The following CYP2B6 variants were observed in gnomAD, a reference collection of about 807,000 sequenced individuals.
CYP2B6 encodes the protein cytochrome P450 family 2 subfamily B member 6.
CYP2B6 carries 35 observed loss-of-function variants against 43.4 expected under a neutral mutation model. The observed-to-expected ratio is 0.81, with a 90% CI of 0.62 to 1.07. The LOEUF is 1.07. CYP2B6 is among the 50% of genes least tolerant of loss of function. CYP2B6 has a pLI of 0.00. For missense variants in CYP2B6, 624 were observed against 632.8 expected, an observed-to-expected ratio of 0.99 and a Z score of 0.15; for synonymous variants, 239 against 239.2, an observed-to-expected ratio of 1.00 and a Z score of 0.01.
rs553968231 is a variant in CYP2B6 at position 41,004,321 on chromosome 19, G to A, written c.359G>A (p.Arg120His). Reference sequence around the variant, plus strand: ...GGTGTGATCTTTGCCAATGGAAACCGCTGGAAGGTGCTTCGGCGATTCTCT... The same window carrying A: ...GGTGTGATCTTTGCCAATGGAAACCACTGGAAGGTGCTTCGGCGATTCTCT... ...GYGVIFANGNRWKVLRRFSVT... is the reference protein window; with the variant it reads ...GYGVIFANGNHWKVLRRFSVT... The change falls in exon 3 of 9, where the codon CGC becomes CAC. Residue 120 changes from arginine to histidine, a missense_variant. Transcript: ENST00000324071. 28 of 1,613,912 alleles carry A rather than the reference G, an allele frequency of 1.7e-5. No individual in the cohort carries two copies. The Admixed American group carries it at 1.8e-4, about 11-fold the overall frequency.
At chr19:41,002,669 C>T (rs552477015) in intron 1 of CYP2B6, among the ~76,000 whole-genome samples, 1 of 152,148 alleles carries the variant, frequency 6.6e-6, no homozygotes, top group Non-Finnish European at 1.5e-5. Flanking sequence ...TCGTCTCAGC[C>T]TCCCGAGTAG....
chr19:41,004,103 G>A lies in CYP2B6; in HGVS notation c.274G>A (p.Ala92Thr), dbSNP rs1969136891. 2 of 1,613,072 alleles carry A rather than the reference G, an allele frequency of 1.2e-6. No individual in the cohort carries two copies. Among genetic ancestry groups the A allele is most frequent in the Non-Finnish European group, 1.7e-6 (2 of 1,179,844 alleles). ...CATACGGGAGGCCCTTGTGGACAAG[G>A]CTGAGGCCTTCTCTGGCCGGGGAAA... is the stretch of plus-strand genomic sequence containing the variant. Reference protein sequence around the residue: ...EAIREALVDKAEAFSGRGKIA... With the variant: ...EAIREALVDKTEAFSGRGKIA... Residue 92 changes from alanine to threonine, a missense_variant, in exon 2 of 9, where the codon GCT (alanine) becomes ACT (threonine). By Grantham distance (58) the Ala-to-Thr change is moderately conservative. Transcript: ENST00000324071.
At chr19:41,010,514 C>T (rs1488757585) in intron 6 of CYP2B6, among the ~76,000 whole-genome samples, 3 of 151,324 alleles carry the variant, frequency 2.0e-5, no homozygotes, top group East Asian at 3.9e-4. Flanking sequence ...CCAGGGTTCA[C>T]GCCATTCTCC....
Position 41,012,713 on chromosome 19 carries a change from G to C in CYP2B6, c.1192G>C (p.Asp398His). The C allele has an allele frequency of 2.5e-6, 4 of 1,614,044 alleles. No individual in the cohort carries two copies. Among genetic ancestry groups the C allele is most frequent in the Non-Finnish European group, 3.4e-6 (4 of 1,180,014 alleles). ...VFLILSTALH[D>H]PHYFEKPDAF... ...TCTCATCCTGAGCACTGCTCTCCAT[G>C]ACCCACACTACTTTGAAAAACCAGA... The change falls in exon 8 of 9, where the codon GAC becomes CAC. Residue 398 changes from aspartate (D) to histidine (H), a missense_variant. Asp to His is a moderately conservative substitution (Grantham distance 81). Coordinates refer to ENST00000324071, the MANE Select transcript of CYP2B6 (RefSeq NM_000767.5).
intron 3 of CYP2B6, 139 bp downstream of exon 3, chr19:41,004,585 T>C: frequency 1.0e-6 from 1 of 981,792 alleles, no homozygotes; most frequent in Non-Finnish European, 1.6e-6. Flanking sequence ...GACAGAGGGA[T>C]AGAGACAGAG....
intron 1 of CYP2B6, among the ~76,000 whole-genome samples, chr19:41,000,379 T>C (rs1407708065): frequency 1.3e-5 from 2 of 152,164 alleles, no homozygotes; most frequent in Non-Finnish European, 1.5e-5. Flanking sequence ...AATAGGCATT[T>C]AGTAAATATG....
rs373764650 is a variant in CYP2B6 at position 41,004,496 on chromosome 19, A to T, written c.484+50A>T. 2.5e-6 allele frequency: 4 copies of T among 1,599,164 alleles called. No individual in the cohort carries two copies. The African/African-American group carries it at 4.0e-5, about 16-fold the overall frequency. On this transcript the variant is annotated intron_variant, in intron 3 of 8. Coordinates refer to ENST00000324071, the MANE Select transcript of CYP2B6 (RefSeq NM_000767.5). ...AAGAAAGACAATGAAACACTGAGAG[A>T]TGCAGGTGCACGGGAATAGAAAGAC...
At chr19:41,000,911 T>C (rs1969073938) in intron 1 of CYP2B6, among the ~76,000 whole-genome samples, 1 of 152,054 alleles carries the variant, frequency 6.6e-6, no homozygotes, top group African/African-American at 2.4e-5. Context: ...TGGTGGCACA[T>C]GTCTGTAATC....
chr19:41,007,087 A>AG (rs1969202286), intron 4 of CYP2B6, 22 bp downstream of exon 4: 5 of 1,613,130 alleles, frequency 3.1e-6, no homozygotes, highest in Non-Finnish European at 3.4e-6. Context: ...GGAGAGGGAC[A>AG]GGGGGTGTGG....
Position 41,004,283 on chromosome 19 carries a change from C to T in CYP2B6, c.335-14C>T, listed in dbSNP as rs182509919. The T allele has an allele frequency of 3.3e-5, 54 of 1,613,674 alleles. No homozygotes were observed. Among genetic ancestry groups the T allele is most frequent in the Non-Finnish European group, 4.6e-5 (54 of 1,179,980 alleles). On this transcript the variant is annotated splice_polypyrimidine_tract_variant and intron_variant, in intron 2 of 8. Coordinates refer to ENST00000324071, the MANE Select transcript of CYP2B6 (RefSeq NM_000767.5). ...CTTCTTCTACAACCAACCCACACCT[C>T]CCCTGCACCCCAGGTGTGATCTTTG...
rs562316055 is a variant in CYP2B6, at chr19:41,011,328, TAATTA to T, written c.965-969_965-965del. On this transcript the variant is annotated intron_variant, in intron 6 of 8. Transcript: ENST00000324071. ...TTTATTTACTCATACTTCACTAATT[TAATTA>T]TTCACTTGCTCTTCCATAAATCTAG... Among the ~76,000 whole-genome samples, 10 of 152,362 alleles carry T rather than the reference TAATTA, an allele frequency of 6.6e-5. No individual in the cohort carries two copies. In the South Asian group the frequency reaches 2.1e-3, roughly 32 times the overall value.
At chr19:41,005,814 C>CGT (rs1360548011) in intron 3 of CYP2B6, among the ~76,000 whole-genome samples, 80 of 151,492 alleles carry the variant, frequency 5.3e-4, no homozygotes, top group African/African-American at 1.8e-3. Flanking sequence ...AAATAAAGAA[C>CGT]GGCAGGGGGG....
rs1969135563 is a variant in CYP2B6 at position 41,004,032 on chromosome 19, T to A, written c.203T>A (p.Val68Glu). The change falls in exon 2 of 9, where the codon GTA (valine) becomes GAA (glutamate). Residue 68 changes from valine to glutamate, a missense_variant. Transcript: ENST00000324071. Reference sequence around the variant, plus strand: ...GAGAAATATGGGGACGTCTTCACGGTACACCTGGGACCGAGGCCCGTGGTC... The same window carrying A: ...GAGAAATATGGGGACGTCTTCACGGAACACCTGGGACCGAGGCCCGTGGTC... ...FREKYGDVFT[V>E]HLGPRPVVML... The A allele has an allele frequency of 6.2e-7, 1 of 1,613,452 alleles. No individual in the cohort carries two copies. Among genetic ancestry groups the A allele is most frequent in the South Asian group, 1.1e-5 (1 of 91,052 alleles).
chr19:41,013,354 T>G (rs902058089), intron 8 of CYP2B6, among the ~76,000 whole-genome samples: 1 of 152,178 alleles, frequency 6.6e-6, no homozygotes, highest in African/African-American at 2.4e-5. Context: ...TAAAGGGAGC[T>G]TTGGGAGCAC....
chr19:41,005,706 G>A (rs994175485), intron 3 of CYP2B6, among the ~76,000 whole-genome samples: 18 of 151,896 alleles, frequency 1.2e-4, no homozygotes, highest in African/African-American at 4.4e-4. Context: ...GATTGAGCCT[G>A]GGAAATGGAG....
At chr19:40,991,730 A>C (rs1276644517) in intron 1 of CYP2B6, among the ~76,000 whole-genome samples, 1 of 152,112 alleles carries the variant, frequency 6.6e-6, no homozygotes, top group Non-Finnish European at 1.5e-5. Flanking sequence ...AAGACACCAC[A>C]CGGCAGTATG....
chr19:41,004,460 G>T lies in CYP2B6; in HGVS notation c.484+14G>T. 4 of 1,612,906 alleles carry T rather than the reference G, an allele frequency of 2.5e-6. No homozygotes were observed. Among genetic ancestry groups the T allele is most frequent in the East Asian group, 2.2e-5 (1 of 44,866 alleles). ...GGAAATCCAAGGGTGAGTCCTGGGG[G>T]ATGAATAGGAAAGAAAGACAATGAA... On this transcript the variant is annotated intron_variant, in intron 3 of 8. Transcript: ENST00000324071.
intron 3 of CYP2B6, among the ~76,000 whole-genome samples, chr19:41,005,742 C>T (rs1233376610): frequency 6.6e-6 from 1 of 151,980 alleles, no homozygotes; most frequent in South Asian, 2.1e-4. Flanking sequence ...GATCACACTA[C>T]TGCACTCCAG....
chr19:41,015,100 A>G (rs1328149503), intron 8 of CYP2B6, among the ~76,000 whole-genome samples: 1 of 152,176 alleles, frequency 6.6e-6, no homozygotes, highest in Non-Finnish European at 1.5e-5. Flanking sequence ...GGAAAAGAAG[A>G]AAAGCTGTGT....
Sources: allele counts gnomAD v4.1 joint callset (sites outside exome capture counted in the v4.1 genomes callset), GRCh38; gene constraint gnomAD v4.1.1; transcripts MANE v1.5; gene names NCBI Gene and HGNC (gene_info 2026-07-23, HGNC 2026-07-21).